Variants in SLC30A8 observed in about 807,000 individuals in gnomAD.
The protein encoded by SLC30A8 is solute carrier family 30 member 8.
Under a neutral mutation model 36.9 loss-of-function variants are expected in SLC30A8, and 27 were observed. That is an observed-to-expected ratio of 0.73 (90% CI 0.54 to 1.01). The LOEUF is 1.01. Among genes scored for constraint, SLC30A8 ranks in the 50% least tolerant of loss-of-function variants. The pLI is 0.00. For synonymous variants in SLC30A8, 164 were observed against 172.4 expected, an observed-to-expected ratio of 0.95 and a Z score of 0.38; for missense variants, 439 against 452.0, an observed-to-expected ratio of 0.97 and a Z score of 0.26.
chr8:117,099,568 T>A (rs745709738), intron 2 of SLC30A8, among the ~76,000 whole-genome samples: 3 of 152,092 alleles, frequency 2.0e-5, no homozygotes, highest in Non-Finnish European at 4.4e-5. Context: ...AAAGAAAATA[T>A]CTGGTGACCA....
At chr8:117,024,534 T>A (rs962356259) in intron 1 of SLC30A8, among the ~76,000 whole-genome samples, 2 of 152,238 alleles carry the variant, frequency 1.3e-5, no homozygotes, top group African/African-American at 4.8e-5. Context: ...ATAATCTTTA[T>A]TGTACTTGTA....
chr8:117,069,769 C>G (rs1440978421), intron 2 of SLC30A8, among the ~76,000 whole-genome samples: 3 of 152,320 alleles, frequency 2.0e-5, no homozygotes, highest in Middle Eastern at 3.4e-3. Context: ...TGCATTGTCT[C>G]CCCACAGTAG....
chr8:117,061,918 A>G (rs999205623), intron 2 of SLC30A8, among the ~76,000 whole-genome samples: 1 of 152,230 alleles, frequency 6.6e-6, no homozygotes, highest in African/African-American at 2.4e-5. Context: ...GAACAGCTGA[A>G]TATCACAGAG....
At chr8:116,958,906 G>A (rs1367389019) in intron 1 of SLC30A8, among the ~76,000 whole-genome samples, 1 of 125,584 alleles carries the variant, frequency 8.0e-6, no homozygotes, top group African/African-American at 3.1e-5. Context: ...CTGGAGTGCA[G>A]TGGTGCGATC....
intron 6 of SLC30A8, among the ~76,000 whole-genome samples, chr8:117,169,731 C>T (rs954595096): frequency 6.6e-6 from 1 of 152,026 alleles, no homozygotes; most frequent in Non-Finnish European, 1.5e-5. Flanking sequence ...GAAGGCACGT[C>T]ACATGATGGG....
At chr8:117,049,913 T>C (rs1817658578) in intron 2 of SLC30A8, among the ~76,000 whole-genome samples, 1 of 152,240 alleles carries the variant, frequency 6.6e-6, no homozygotes, top group African/African-American at 2.4e-5. Context: ...CTTCCTGATA[T>C]ATAGGGATGC....
At chr8:116,976,931 C>G (rs1815050799) in intron 1 of SLC30A8, among the ~76,000 whole-genome samples, 1 of 150,840 alleles carries the variant, frequency 6.6e-6, no homozygotes. Context: ...ATTCTCCTGC[C>G]TCAGCCTCCC....
chr8:116,997,976 G>C (rs1428463143), intron 1 of SLC30A8, among the ~76,000 whole-genome samples: 1 of 152,150 alleles, frequency 6.6e-6, no homozygotes, highest in Non-Finnish European at 1.5e-5. Flanking sequence ...AGCAGAATGG[G>C]CTCTTCTTCT....
At chr8:117,082,763 T>C (rs1818718186) in intron 2 of SLC30A8, among the ~76,000 whole-genome samples, 1 of 152,174 alleles carries the variant, frequency 6.6e-6, no homozygotes, top group Non-Finnish European at 1.5e-5. Context: ...GAGCCTGTTT[T>C]GTTTTTGATT....
chr8:117,072,820 A>AC (rs1465770385), intron 2 of SLC30A8, among the ~76,000 whole-genome samples: 1 of 148,902 alleles, frequency 6.7e-6, no homozygotes, highest in Admixed American at 6.7e-5. Flanking sequence ...AACTGCTCAA[A>AC]CCCCCAAATC....
At chr8:117,081,140 A>G (rs1358489904) in intron 2 of SLC30A8, among the ~76,000 whole-genome samples, 1 of 152,214 alleles carries the variant, frequency 6.6e-6, no homozygotes, top group Non-Finnish European at 1.5e-5. Context: ...GTACTCAGGC[A>G]GGTAATGAGT....
intron 2 of SLC30A8, chr8:117,129,975 C>T (rs567547515): frequency 3.9e-5 from 6 of 151,930 alleles, no homozygotes; most frequent in East Asian, 2.0e-4. Context: ...GTGACTTGGT[C>T]GAGAGTTTAG....
chr8:116,981,218 T>C (rs1304484210), intron 1 of SLC30A8, among the ~76,000 whole-genome samples: 1 of 152,190 alleles, frequency 6.6e-6, no homozygotes, highest in Non-Finnish European at 1.5e-5. Flanking sequence ...TCTAGTATGG[T>C]GACTTTGTGG....
intron 1 of SLC30A8, among the ~76,000 whole-genome samples, chr8:117,145,868 A>G (rs1821872323): frequency 6.6e-6 from 1 of 152,194 alleles, no homozygotes; most frequent in Non-Finnish European, 1.5e-5. Flanking sequence ...CCAAGCACAG[A>G]AAGACAAATA....
At chr8:117,086,123 G>C (rs1818867058) in intron 2 of SLC30A8, among the ~76,000 whole-genome samples, 1 of 152,158 alleles carries the variant, frequency 6.6e-6, no homozygotes, top group Non-Finnish European at 1.5e-5. Flanking sequence ...GATTTTGTTG[G>C]AAGTGTAGGT....
intron 2 of SLC30A8, among the ~76,000 whole-genome samples, chr8:117,129,327 A>G (rs1357119133): frequency 6.6e-6 from 1 of 152,060 alleles, no homozygotes; most frequent in African/African-American, 2.4e-5. Flanking sequence ...ACTGTATGGT[A>G]TAAAGTGGAT....
At chr8:117,067,882 G>A (rs908001078) in intron 2 of SLC30A8, among the ~76,000 whole-genome samples, 6 of 152,142 alleles carry the variant, frequency 3.9e-5, no homozygotes, top group East Asian at 3.9e-4. Flanking sequence ...CTAAATTGAC[G>A]GCAATTTAAG....
At chr8:117,130,533 A>ATTC (rs1416686521), upstream of SLC30A8, among the ~76,000 whole-genome samples, 3 of 151,940 alleles carry the variant, frequency 2.0e-5, no homozygotes, top group East Asian at 3.9e-4. Flanking sequence ...TATTATTATT[A>ATTC]TTATTAAATT....
Position 117,097,575 on chromosome 8 carries a change from A to ATT in SLC30A8, c.-225-37705_-225-37704insTT, listed in dbSNP as rs1459651430. 7.5e-4 allele frequency among the ~76,000 whole-genome samples: 78 copies of ATT among 103,814 alleles called. No individual in the cohort carries two copies. In the East Asian group the frequency reaches 0.016, roughly 21 times the overall value. The allele number at this position is 103,814 out of a possible 152,430, so 68.1% of individuals were successfully genotyped here. On this transcript the variant is annotated intron_variant, in intron 2 of 10. Coordinates refer to the SLC30A8 transcript ENST00000427715. ...ATAATATATATTATATATAATATATAATTTTAAATAATATATATTATATAT... is the reference window on the plus strand; with the variant it reads ...ATAATATATATTATATATAATATATATTATTTTAAATAATATATATTATATAT...
Sources: allele counts gnomAD v4.1 joint callset (sites outside exome capture counted in the v4.1 genomes callset), GRCh38; gene constraint gnomAD v4.1.1; transcripts MANE v1.5; gene names NCBI Gene and HGNC (gene_info 2026-07-23, HGNC 2026-07-21).